ECT2L: variants seen among roughly 807,000 people sequenced by gnomAD.
The protein encoded by ECT2L is epithelial cell transforming 2 like.
In ECT2L, 126 loss-of-function variants were observed where a neutral mutation model predicts 122.8. That is an observed-to-expected ratio of 1.03 (90% CI 0.89 to 1.19). ECT2L has a LOEUF of 1.19. Among genes scored for constraint, ECT2L ranks in the 50% most tolerant of loss-of-function variants. ECT2L has a pLI of 0.00. For missense variants in ECT2L, 1,012 were observed against 1,064.1 expected (o/e 0.95, Z 0.68); for synonymous variants, 385 against 381.8 (o/e 1.01, Z -0.10).
chr6:138,805,354 C>T (rs987621111), intron 1 of ECT2L, among the ~76,000 whole-genome samples: 10 of 152,136 alleles, frequency 6.6e-5, no homozygotes, highest in Admixed American at 3.9e-4. Flanking sequence ...CTAGAAATAA[C>T]GCCAAATAGT....
chr6:138,852,598 G>A (rs1173409620), intron 9 of ECT2L, among the ~76,000 whole-genome samples: 4 of 152,254 alleles, frequency 2.6e-5, no homozygotes, highest in Middle Eastern at 3.4e-3. Flanking sequence ...TTGGGACTTC[G>A]TGTACTTGGA....
intron 18 of ECT2L, among the ~76,000 whole-genome samples, chr6:138,886,282 G>A (rs1778818357): frequency 1.3e-5 from 2 of 152,134 alleles, no homozygotes; most frequent in African/African-American, 4.8e-5. Context: ...TTATTATATT[G>A]TGCATACTGT....
intron 1 of ECT2L, among the ~76,000 whole-genome samples, chr6:138,799,737 G>C (rs1019282676): frequency 2.0e-5 from 3 of 152,164 alleles, no homozygotes; most frequent in Non-Finnish European, 2.9e-5. Flanking sequence ...TTTTTGTACA[G>C]ATGGGGCTTT....
intron 20 of ECT2L, among the ~76,000 whole-genome samples, chr6:138,896,085 T>TGTC (rs1322044716): frequency 7.7e-6 from 1 of 130,224 alleles, no homozygotes; most frequent in African/African-American, 3.7e-5. Flanking sequence ...CTGATTTTCA[T>TGTC]TGCTGAATTT....
intron 12 of ECT2L, among the ~76,000 whole-genome samples, chr6:138,865,783 AG>A (rs1333785343): frequency 1.8e-4 from 28 of 152,226 alleles, no homozygotes; most frequent in African/African-American, 6.3e-4. Context: ...ATCTAGGTAA[AG>A]AGTTTTTCTT....
At chr6:138,834,631 C>A (rs930587398) in intron 4 of ECT2L, among the ~76,000 whole-genome samples, 3 of 151,922 alleles carry the variant, frequency 2.0e-5, no homozygotes, top group Non-Finnish European at 2.9e-5. Context: ...TTTATAATTC[C>A]AAGTAAATGA....
chr6:138,840,245 T>C (rs1776991613), intron 5 of ECT2L, among the ~76,000 whole-genome samples: 1 of 152,058 alleles, frequency 6.6e-6, no homozygotes, highest in South Asian at 2.1e-4. Flanking sequence ...GTCTTGGGGG[T>C]GGCAGAGGTG....
intron 10 of ECT2L, among the ~76,000 whole-genome samples, chr6:138,857,652 A>T (rs1777660558): frequency 6.6e-6 from 1 of 151,892 alleles, no homozygotes; most frequent in Non-Finnish European, 1.5e-5. Context: ...CCCTAATACC[A>T]CACTCTCCCT....
At chr6:138,887,153 C>T (rs1293143465) in intron 19 of ECT2L, among the ~76,000 whole-genome samples, 1 of 152,118 alleles carries the variant, frequency 6.6e-6, no homozygotes, top group Non-Finnish European at 1.5e-5. Flanking sequence ...AGTCTTTGCT[C>T]CTTTATTGGT....
At chr6:138,901,410 G>C (rs1428135753) in intron 21 of ECT2L, among the ~76,000 whole-genome samples, 2 of 152,212 alleles carry the variant, frequency 1.3e-5, no homozygotes, top group African/African-American at 4.8e-5. Context: ...AGTGACATGA[G>C]AGCTGGAGCT....
chr6:138,893,126 T>C (rs553177771), intron 20 of ECT2L, among the ~76,000 whole-genome samples: 2 of 152,222 alleles, frequency 1.3e-5, no homozygotes, highest in African/African-American at 4.8e-5. Flanking sequence ...ATTTTGAGTC[T>C]GTTACTTCTG....
chr6:138,866,081 TAGG>T (rs530703416), intron 12 of ECT2L, among the ~76,000 whole-genome samples: 2 of 152,290 alleles, frequency 1.3e-5, no homozygotes, highest in South Asian at 4.1e-4. Context: ...CTATCACATT[TAGG>T]AGGTGTTCAA....
intron 1 of ECT2L, among the ~76,000 whole-genome samples, chr6:138,810,998 T>C (rs191790091): frequency 9.8e-5 from 15 of 152,334 alleles, no homozygotes; most frequent in African/African-American, 3.6e-4. Context: ...TATGATAGGT[T>C]GTATTACTAT....
chr6:138,841,925 T>A (rs1278782029), intron 5 of ECT2L, among the ~76,000 whole-genome samples: 1 of 152,240 alleles, frequency 6.6e-6, no homozygotes, highest in African/African-American at 2.4e-5. Context: ...TCAAAATTAT[T>A]CTCAATGAGA....
chr6:138,797,882 A>T (rs1161375240), intron 1 of ECT2L, among the ~76,000 whole-genome samples: 1 of 152,178 alleles, frequency 6.6e-6, no homozygotes, highest in Non-Finnish European at 1.5e-5. Flanking sequence ...AATGCCAATC[A>T]CAAGTCCCAG....
chr6:138,884,964 G>C (rs147103825), intron 16 of ECT2L, among the ~76,000 whole-genome samples: 1 of 147,138 alleles, frequency 6.8e-6, no homozygotes, highest in East Asian at 2.0e-4. Context: ...ATTCTTATTT[G>C]TCTATACTGA....
chr6:138,866,681 A>AT (rs1227832128), intron 12 of ECT2L, among the ~76,000 whole-genome samples: 1 of 152,228 alleles, frequency 6.6e-6, no homozygotes, highest in Non-Finnish European at 1.5e-5. Context: ...TGGAAAAACA[A>AT]TTTTTTAAAT....
In ECT2L at chr6:138,902,706, C is replaced by T; in HGVS notation, c.*79C>T. The T allele has an allele frequency of 6.7e-7, 1 of 1,503,732 alleles. No homozygotes were observed. The highest frequency in any genetic ancestry group is 9.2e-7 in the Non-Finnish European group (1 of 1,092,000). The allele number at this position is 1,503,732 out of a possible 1,614,324, so 93.1% of individuals were successfully genotyped here. ...CATGTATTTTCTGTTCCAAAATATC[C>T]AGTAAGAAACAGAATAACTGTCATG... On this transcript the variant is annotated 3_prime_UTR_variant, in exon 22 of 22. Transcript: ENST00000541398.
chr6:138,891,983 TGTCA>T (rs1779046483), intron 20 of ECT2L, among the ~76,000 whole-genome samples: 1 of 152,240 alleles, frequency 6.6e-6, no homozygotes, highest in African/African-American at 2.4e-5. Flanking sequence ...TATGGTTTGC[TGTCA>T]GTAATTTTGT....
Sources: allele counts gnomAD v4.1 joint callset (sites outside exome capture counted in the v4.1 genomes callset), GRCh38; gene constraint gnomAD v4.1.1; transcripts MANE v1.5; gene names NCBI Gene and HGNC (gene_info 2026-07-23, HGNC 2026-07-21).